DAG1: variants seen among roughly 807,000 people sequenced by gnomAD.
The protein encoded by DAG1 is dystroglycan 1.
DAG1 carries 8 observed loss-of-function variants against 46.1 expected under a neutral mutation model. The observed-to-expected ratio is 0.17, with a 90% CI of 0.10 to 0.31. The LOEUF (loss-of-function observed/expected upper bound fraction) is 0.31. DAG1 is among the 10% of genes least tolerant of loss of function. DAG1 has a pLI of 1.00. For synonymous variants in DAG1, 495 were observed against 481.8 expected (o/e 1.03, Z -0.36); for missense variants, 1,003 against 1,189.9 (o/e 0.84, Z 2.31).
chr3:49,474,792 A>AAATT (rs2049629704), intron 1 of DAG1, among the ~76,000 whole-genome samples: 3 of 147,646 alleles, frequency 2.0e-5, no homozygotes, highest in Admixed American at 1.4e-4. Flanking sequence ...CTTTTTTTTA[A>AAATT]AATTAATTAA....
At chr3:49,475,552 G>A (rs1451679185) in intron 1 of DAG1, among the ~76,000 whole-genome samples, 4 of 151,474 alleles carry the variant, frequency 2.6e-5, no homozygotes, top group African/African-American at 7.3e-5. Context: ...TTACAGGTAT[G>A]AGCCACCGTG....
chr3:49,498,598 G>C (rs1019621297), intron 1 of DAG1, among the ~76,000 whole-genome samples: 41 of 151,820 alleles, frequency 2.7e-4, no homozygotes, highest in Non-Finnish European at 5.6e-4. Flanking sequence ...ACCTGAAGTG[G>C]TTAATATTTC....
chr3:49,486,558 A>C (rs2050033769), intron 1 of DAG1, among the ~76,000 whole-genome samples: 1 of 150,634 alleles, frequency 6.6e-6, no homozygotes, highest in Non-Finnish European at 1.5e-5. Flanking sequence ...TCTGGAGTGT[A>C]GTGGCATGAT....
intron 1 of DAG1, among the ~76,000 whole-genome samples, chr3:49,501,996 G>C (rs1339884778): frequency 6.6e-6 from 1 of 152,114 alleles, no homozygotes; most frequent in Non-Finnish European, 1.5e-5. Flanking sequence ...GGGTAATATA[G>C]TCTGTATCTC....
intron 2 of DAG1, among the ~76,000 whole-genome samples, chr3:49,520,461 T>C (rs2050998984): frequency 6.6e-6 from 1 of 152,190 alleles, no homozygotes; most frequent in Non-Finnish European, 1.5e-5. Flanking sequence ...TGGCTGCAGG[T>C]TGGCCCAGCT....
chr3:49,532,991 C>T lies in DAG1; in HGVS notation c.2480C>T (p.Pro827Leu), dbSNP rs752160684. ...LILQEEKAPL[P>L]PPEYPNQSVP... ...CTGCAGGAGGAGAAGGCTCCCCTAC[C>T]CCCTCCTGAGTACCCCAACCAGAGT... Residue 827 changes from proline to leucine, a missense_variant, in exon 3 of 3, where the codon CCC (proline) becomes CTC (leucine). Coordinates refer to ENST00000308775, the MANE Select transcript of DAG1 (RefSeq NM_004393.6). This position sits in a 1 kb window ranked among gnomAD's most constrained non-coding sequence, Gnocchi z 5.4. The T allele has an allele frequency of 1.2e-6, 2 of 1,614,130 alleles. No individual in the cohort carries two copies. The highest frequency in any genetic ancestry group is 1.7e-6 in the Non-Finnish European group (2 of 1,180,012).
At chr3:49,500,064 TCCCGGG>T in intron 1 of DAG1, among the ~76,000 whole-genome samples, 1 of 12,318 alleles carries the variant, frequency 8.1e-5, no homozygotes, top group Admixed American at 1.2e-3. Context: ...AGCCTCCGCT[TCCCGGG>T]TTCAAGCAAT....
intron 1 of DAG1, 163 bp from the exon 2 acceptor site, chr3:49,510,256 T>C: frequency 1.8e-6 from 1 of 567,300 alleles, no homozygotes; most frequent in Non-Finnish European, 3.1e-6. Flanking sequence ...TTTCCAGTGC[T>C]AAGGAGTTGC....
intron 1 of DAG1, among the ~76,000 whole-genome samples, chr3:49,509,894 A>G (rs1057269161): frequency 3.9e-5 from 6 of 152,004 alleles, no homozygotes; most frequent in Non-Finnish European, 8.8e-5. Flanking sequence ...ATGCCCGGCT[A>G]ATTTTCATAT....
At chr3:49,488,381 A>G (rs150922553) in intron 1 of DAG1, among the ~76,000 whole-genome samples, 44 of 152,350 alleles carry the variant, frequency 2.9e-4, no homozygotes, top group African/African-American at 9.9e-4. Flanking sequence ...AACAATTCCA[A>G]TGTACATATC....
Position 49,505,693 on chromosome 3 carries a change from C to T in DAG1, c.-116-4726C>T, listed in dbSNP as rs138468226. ...GTATGCCAAACTTTTTTTTTTGAGA[C>T]GGAGTTTCGCTCTTGTTGCCCAGGT... On this transcript the variant is annotated intron_variant, in intron 1 of 2. Transcript: ENST00000308775. 2.2e-3 allele frequency among the ~76,000 whole-genome samples: 333 copies of T among 151,816 alleles called. 2 individuals carry two copies. The highest frequency in any genetic ancestry group is 3.5e-3 in the Non-Finnish European group (237 of 67,924).
In DAG1 at chr3:49,478,802, C is replaced by CTTTTTTTTTTTTTTTTT. The variant is rs201202889; in HGVS notation, c.-117+8381_-117+8397dup. Among the ~76,000 whole-genome samples the CTTTTTTTTTTTTTTTTT allele has an allele frequency of 4.1e-4, 31 of 76,010 alleles. 3 individuals are homozygous for CTTTTTTTTTTTTTTTTT. The highest frequency in any genetic ancestry group is 5.8e-4 in the Non-Finnish European group (24 of 41,352). 49.9% of individuals were successfully genotyped at this position (76,010 alleles called of 152,430 possible). ...TGAAAAGTCTCTTGTCGTCCCCTCC[C>CTTTTTTTTTTTTTTTTT]TTTTTTTTTTTTTTTTTTTTTTTTT... On this transcript the variant is annotated intron_variant, in intron 1 of 2. Coordinates refer to ENST00000308775, the MANE Select transcript of DAG1 (RefSeq NM_004393.6).
At chr3:49,515,449 C>G (rs1175424475) in intron 2 of DAG1, among the ~76,000 whole-genome samples, 1 of 148,322 alleles carries the variant, frequency 6.7e-6, no homozygotes, top group Admixed American at 6.8e-5. Context: ...TGCAGTGGCA[C>G]TATCATGGCT....
chr3:49,497,115 A>G (rs2050334107), intron 1 of DAG1, among the ~76,000 whole-genome samples: 2 of 151,264 alleles, frequency 1.3e-5, no homozygotes, highest in Admixed American at 1.3e-4. Flanking sequence ...CCTGGGCAAC[A>G]TAGTGAGACC....
In DAG1 at chr3:49,533,633, G is replaced by T; in HGVS notation, c.*434G>T. On this transcript the variant is annotated 3_prime_UTR_variant, in exon 3 of 3. Transcript: ENST00000308775. ...TGTGTCTAGCTGCAGGATGTAACAT[G>T]GAAAACAGTAACTAAAGATTAAATT... 2 of 319,452 alleles carry T rather than the reference G, an allele frequency of 6.3e-6. No homozygotes were observed. Among genetic ancestry groups the T allele is most frequent in the Non-Finnish European group, 1.2e-5 (2 of 164,440 alleles). The allele number at this position is 319,452 out of a possible 1,614,324, so 19.8% of individuals were successfully genotyped here.
At position 49,533,217 on chromosome 3, in the gene DAG1, G is replaced by A. The variant is rs1324697003; in HGVS notation, c.*18G>A. The A allele has an allele frequency of 2.5e-6, 4 of 1,609,354 alleles. No homozygotes were observed. Among genetic ancestry groups the A allele is most frequent in the Non-Finnish European group, 3.4e-6 (4 of 1,179,920 alleles). On this transcript the variant is annotated 3_prime_UTR_variant, in exon 3 of 3. Transcript: ENST00000308775. ...CACCTTAACCCGCAAGCGCCTGGGT[G>A]GAGGCAGGGTAGGGCAGGGGCCTGG...
At chr3:49,503,264 G>C (rs902685699) in intron 1 of DAG1, among the ~76,000 whole-genome samples, 3 of 152,152 alleles carry the variant, frequency 2.0e-5, no homozygotes, top group Non-Finnish European at 4.4e-5. Flanking sequence ...TGGCCCATCT[G>C]ATTGGTGTGG....
At chr3:49,506,171 G>T (rs914067597) in intron 1 of DAG1, among the ~76,000 whole-genome samples, 9 of 151,950 alleles carry the variant, frequency 5.9e-5, no homozygotes, top group African/African-American at 1.9e-4. Flanking sequence ...TAGAGATGGG[G>T]TTTCACCATG....
At chr3:49,469,076 G>A (rs2049444842), upstream of DAG1, 1 of 152,208 alleles carries the variant, frequency 6.6e-6, no homozygotes, top group African/African-American at 2.4e-5. Flanking sequence ...GGGAGATGGG[G>A]CATTCCTTTC....
Sources: allele counts gnomAD v4.1 joint callset (sites outside exome capture counted in the v4.1 genomes callset), GRCh38; gene constraint gnomAD v4.1.1; non-coding constraint Gnocchi (gnomAD v3.1); transcripts MANE v1.5; gene names NCBI Gene and HGNC (gene_info 2026-07-23, HGNC 2026-07-21).